Variants in SLC6A11 observed in about 807,000 individuals in gnomAD.
SLC6A11 encodes the protein sodium- and chloride-dependent GABA transporter 3.
Under a neutral mutation model 74.8 loss-of-function variants are expected in SLC6A11, and 25 were observed. The observed-to-expected ratio is 0.33, with a 90% CI of 0.24 to 0.47. The LOEUF is 0.47. Among genes scored for constraint, SLC6A11 ranks in the 20% least tolerant of loss-of-function variants. The probability of loss-of-function intolerance (pLI) is 1.00; values close to 1 mark genes in which losing one functional copy is unlikely to be tolerated. For missense variants in SLC6A11, 574 were observed against 837.0 expected (o/e 0.69, Z 3.88); for synonymous variants, 330 against 330.2 (o/e 1.00, Z 0.01).
intron 6 of SLC6A11, among the ~76,000 whole-genome samples, chr3:10,893,802 G>A (rs1323390438): frequency 6.6e-6 from 1 of 152,058 alleles, no homozygotes; most frequent in Non-Finnish European, 1.5e-5. Context: ...GACCTTTCTA[G>A]CCCCCATCCA....
At chr3:10,864,494 A>G (rs923730305) in intron 5 of SLC6A11, among the ~76,000 whole-genome samples, 1 of 151,784 alleles carries the variant, frequency 6.6e-6, no homozygotes, top group African/African-American at 2.4e-5. Flanking sequence ...AAGGTTGGAG[A>G]TATTCGTTGA....
At chr3:10,821,059 G>A (rs1288122150) in intron 3 of SLC6A11, among the ~76,000 whole-genome samples, 3 of 152,152 alleles carry the variant, frequency 2.0e-5, no homozygotes, top group Admixed American at 6.5e-5. Flanking sequence ...ACCCCTGGCT[G>A]TTGCATTTTG....
intron 5 of SLC6A11, among the ~76,000 whole-genome samples, chr3:10,855,912 A>G (rs73115413): frequency 0.021 from 3,242 of 152,094 alleles, 95 homozygotes; most frequent in African/African-American, 0.074. Flanking sequence ...CTCTTTGCCT[A>G]TGTTGATTGG....
intron 3 of SLC6A11, among the ~76,000 whole-genome samples, chr3:10,822,523 AAAAT>A (rs754432523): frequency 1.1e-4 from 17 of 152,156 alleles, no homozygotes; most frequent in Non-Finnish European, 2.2e-4. Context: ...CTTCTTCCTC[AAAAT>A]AAAGGGAGTT....
At chr3:10,891,969 A>G (rs917020350) in intron 6 of SLC6A11, among the ~76,000 whole-genome samples, 2 of 152,262 alleles carry the variant, frequency 1.3e-5, no homozygotes, top group African/African-American at 2.4e-5. Flanking sequence ...CACAAGGGCT[A>G]CAGAGCAGCT....
intron 6 of SLC6A11, among the ~76,000 whole-genome samples, chr3:10,895,459 G>A (rs554756760): frequency 6.6e-6 from 1 of 152,252 alleles, no homozygotes; most frequent in East Asian, 1.9e-4. Flanking sequence ...GGACATGGAT[G>A]GAGCTGGAAG....
intron 4 of SLC6A11, chr3:10,824,627 G>C (rs1047878220): frequency 6.6e-6 from 1 of 151,928 alleles, no homozygotes; most frequent in Admixed American, 6.6e-5. Flanking sequence ...GCTCAATATT[G>C]GTTCTTAGAT....
intron 5 of SLC6A11, among the ~76,000 whole-genome samples, chr3:10,845,887 C>G (rs1042682963): frequency 2.0e-4 from 30 of 152,334 alleles, no homozygotes; most frequent in African/African-American, 7.0e-4. Flanking sequence ...CACTCACAGT[C>G]TCCCATCCTC....
intron 4 of SLC6A11, among the ~76,000 whole-genome samples, chr3:10,826,076 T>C (rs543243458): frequency 6.6e-6 from 1 of 152,396 alleles, no homozygotes; most frequent in East Asian, 1.9e-4. Context: ...TGATTAAAAG[T>C]CTATTGAACT....
At position 10,816,609 on chromosome 3, in the gene SLC6A11, G is replaced by C. The variant is rs575659578; in HGVS notation, c.256+88G>C. 7.5e-7 allele frequency: 1 copy of C among 1,336,166 alleles called. No homozygotes were observed. Among genetic ancestry groups the C allele is most frequent in the Non-Finnish European group, 9.9e-7 (1 of 1,005,894 alleles). The allele number at this position is 1,336,166 out of a possible 1,614,324, so 82.8% of individuals were successfully genotyped here. ...GGGCGAGCGCGAGACCCCCTCCCGC[G>C]CCTGCGTGGAGCGGAACCCGAGCGG... On this transcript the variant is annotated intron_variant, in intron 1 of 13. Coordinates refer to ENST00000254488, the MANE Select transcript of SLC6A11 (RefSeq NM_014229.3). This position sits in a 1 kb window ranked among gnomAD's most constrained non-coding sequence, Gnocchi z 4.2.
chr3:10,911,639 TTTTACCTTAAACA>T (rs1695389705), intron 6 of SLC6A11, among the ~76,000 whole-genome samples: 1 of 152,156 alleles, frequency 6.6e-6, no homozygotes, highest in Non-Finnish European at 1.5e-5. Flanking sequence ...GAAGCATTCA[TTTTACCTTAAACA>T]TGACTTACCT....
At chr3:10,831,615 G>A (rs934460657) in intron 4 of SLC6A11, among the ~76,000 whole-genome samples, 5 of 152,108 alleles carry the variant, frequency 3.3e-5, no homozygotes, top group African/African-American at 1.2e-4. Flanking sequence ...GGGTAAGTGA[G>A]GTTATAGAGA....
rs541128328 is a variant in SLC6A11 at position 10,912,590 on chromosome 3, G to A, written c.995+397G>A. ...CCTGCCCTTCGTACTTGACTGTAGG[G>A]TCATCTTCTGCCCCACCTGGGGCCA... is the stretch of plus-strand genomic sequence containing the variant. On this transcript the variant is annotated intron_variant, in intron 7 of 13. Transcript: ENST00000254488. Among the ~76,000 whole-genome samples the A allele has an allele frequency of 1.2e-3, 186 of 152,324 alleles. 1 individual carries two copies. The highest frequency in any genetic ancestry group is 4.1e-3 in the African/African-American group (170 of 41,574).
In SLC6A11 at chr3:10,906,001, T is replaced by C. The variant is rs114201194; in HGVS notation, c.892-6089T>C. Among the ~76,000 whole-genome samples, 915 of 152,326 alleles carry C rather than the reference T, an allele frequency of 6.0e-3. 7 individuals are homozygous for C. Among genetic ancestry groups the C allele is most frequent in the African/African-American group, 0.02 (840 of 41,578 alleles). On this transcript the variant is annotated intron_variant, in intron 6 of 13. Coordinates refer to ENST00000254488, the MANE Select transcript of SLC6A11 (RefSeq NM_014229.3). ...TATGTCTCTAGCCCAGACATCGATA[T>C]GTAGCCCTAGACTTTCCATGTATCT...
In SLC6A11 at chr3:10,920,282, G is replaced by A. The variant is rs565923745; in HGVS notation, c.1120+1829G>A. 4.6e-5 allele frequency among the ~76,000 whole-genome samples: 7 copies of A among 152,212 alleles called. No individual in the cohort carries two copies. In the South Asian group the frequency reaches 6.2e-4, roughly 14 times the overall value. ...TTCAAATTGAAAGAATACTCATTGTGGAAAAACAGAGAAACATTAACAGAA... is the reference window on the plus strand; with the variant it reads ...TTCAAATTGAAAGAATACTCATTGTAGAAAAACAGAGAAACATTAACAGAA... On this transcript the variant is annotated intron_variant, in intron 8 of 13. Coordinates refer to ENST00000254488, the MANE Select transcript of SLC6A11 (RefSeq NM_014229.3).
At chr3:10,889,504 T>G (rs1695083801) in intron 6 of SLC6A11, among the ~76,000 whole-genome samples, 1 of 152,182 alleles carries the variant, frequency 6.6e-6, no homozygotes, top group Non-Finnish European at 1.5e-5. Context: ...TCCATAGTGT[T>G]GACTTTTCCA....
intron 1 of SLC6A11, among the ~76,000 whole-genome samples, chr3:10,818,014 A>T (rs1437017604): frequency 6.6e-6 from 1 of 151,800 alleles, no homozygotes; most frequent in Non-Finnish European, 1.5e-5. Flanking sequence ...AACAAAAAGC[A>T]TTCATAAAAG....
intron 5 of SLC6A11, among the ~76,000 whole-genome samples, chr3:10,847,265 A>G (rs1027667322): frequency 1.3e-5 from 2 of 152,228 alleles, no homozygotes; most frequent in African/African-American, 4.8e-5. Context: ...CATACCTGTC[A>G]TCTGCGATGT....
rs941146210 is a variant in SLC6A11, at chr3:10,925,944, T to C, written c.1121-60T>C. On this transcript the variant is annotated intron_variant, in intron 8 of 13. Coordinates refer to ENST00000254488, the MANE Select transcript of SLC6A11 (RefSeq NM_014229.3). ...GCACTCAGTAAATGCTGGATTAAAA[T>C]AGCAATGATATGAGGGATGGGACTC... 3.7e-5 allele frequency: 34 copies of C among 912,890 alleles called. No individual in the cohort carries two copies. In the Admixed American group the frequency reaches 5.9e-4, roughly 16 times the overall value. The allele number at this position is 912,890 out of a possible 1,614,324, so 56.5% of individuals were successfully genotyped here.
Sources: gnomAD v4.1 joint callset for allele counts (sites outside exome capture counted in the v4.1 genomes callset) on GRCh38, gnomAD v4.1.1 for gene constraint, Gnocchi (gnomAD v3.1) non-coding constraint, MANE v1.5 for transcripts, NCBI Gene and HGNC (gene_info 2026-07-23, HGNC 2026-07-21) for gene names.